Variants in SEM1 observed in about 807,000 individuals in gnomAD.
The protein encoded by SEM1 is SEM1 26S proteasome subunit.
SEM1 carries 3 observed loss-of-function variants against 12.7 expected under a neutral mutation model. That is an observed-to-expected ratio of 0.24 (90% confidence interval 0.11 to 0.61). The LOEUF (loss-of-function observed/expected upper bound fraction) is 0.61. Among genes scored for constraint, SEM1 ranks in the 20% least tolerant of loss-of-function variants. SEM1 has a pLI of 0.88. For missense variants in SEM1, 59 were observed against 81.3 expected (o/e 0.73, Z 1.06); for synonymous variants, 30 against 27.8 (o/e 1.08, Z -0.25).
At position 96,577,611 on chromosome 7, in the gene SEM1, G is replaced by T. The variant is rs182146500; in HGVS notation, c.171-70913C>A. The stretch of plus-strand genomic sequence containing the variant: ...GAAGCCTTTACATGGATTTGGGGAT[G>T]GATTTCAAAGAATTCAATGCCCTTG... On this transcript the variant is annotated intron_variant and NMD_transcript_variant, in intron 2 of 3. Transcript: ENST00000466986. 4.0e-4 allele frequency among the ~76,000 whole-genome samples: 61 copies of T among 152,032 alleles called. No homozygotes were observed. The East Asian group carries it at 0.01, about 26-fold the overall frequency.
upstream of SEM1, among the ~76,000 whole-genome samples, chr7:96,498,444 G>A (rs1803380952): frequency 6.6e-6 from 1 of 152,090 alleles, no homozygotes; most frequent in Non-Finnish European, 1.5e-5. Flanking sequence ...GATCAGATAG[G>A]TTTTTCTGAG....
chr7:96,642,447 G>A (rs539567353), intron 2 of SEM1, among the ~76,000 whole-genome samples: 5 of 151,810 alleles, frequency 3.3e-5, no homozygotes, highest in Non-Finnish European at 7.4e-5. Context: ...CTCCAGGTAC[G>A]GTAGCGTTTA....
chr7:96,517,513 G>A (rs914697208), intron 2 of SEM1, among the ~76,000 whole-genome samples: 16 of 151,962 alleles, frequency 1.1e-4, no homozygotes, highest in South Asian at 6.2e-4. Context: ...TTTATCTTTC[G>A]GGTTAGATAT....
chr7:96,700,489 C>T (rs1202853997), intron 1 of SEM1, among the ~76,000 whole-genome samples: 1 of 152,182 alleles, frequency 6.6e-6, no homozygotes. Flanking sequence ...GCCCTCTCTA[C>T]AGGTGGGTTC....
At chr7:96,548,219 G>C (rs1328134104) in intron 2 of SEM1, among the ~76,000 whole-genome samples, 1 of 151,954 alleles carries the variant, frequency 6.6e-6, no homozygotes, top group Non-Finnish European at 1.5e-5. Context: ...CATGATTTTC[G>C]ATTCTTAATC....
chr7:96,664,780 A>T (rs1049679874), intron 2 of SEM1, among the ~76,000 whole-genome samples: 3 of 152,224 alleles, frequency 2.0e-5, no homozygotes, highest in East Asian at 3.9e-4. Context: ...AGACAACAGA[A>T]ACTGGAAACA....
intron 2 of SEM1, among the ~76,000 whole-genome samples, chr7:96,508,365 AATG>A (rs1421809151): frequency 6.6e-6 from 1 of 152,124 alleles, no homozygotes; most frequent in Non-Finnish European, 1.5e-5. Context: ...GAAGAGAAGC[AATG>A]ATATCATAAC....
intron 2 of SEM1, among the ~76,000 whole-genome samples, chr7:96,682,725 G>A (rs144425043): frequency 6.6e-6 from 1 of 152,128 alleles, no homozygotes; most frequent in African/African-American, 2.4e-5. Flanking sequence ...TATCATCAGA[G>A]TGAACAGGTA....
chr7:96,551,414 C>A (rs570646973), intron 2 of SEM1, among the ~76,000 whole-genome samples: 1 of 152,204 alleles, frequency 6.6e-6, no homozygotes, highest in East Asian at 1.9e-4. Flanking sequence ...TAAGAAGACA[C>A]AGAGGCCGGG....
intron 2 of SEM1, among the ~76,000 whole-genome samples, chr7:96,558,661 AG>A (rs1233461661): frequency 6.6e-6 from 1 of 152,162 alleles, no homozygotes; most frequent in Non-Finnish European, 1.5e-5. Context: ...AAGTGAAAAG[AG>A]GGTAGAAACA....
chr7:96,627,927 T>G (rs1259501692), intron 2 of SEM1, among the ~76,000 whole-genome samples: 2 of 152,114 alleles, frequency 1.3e-5, no homozygotes, highest in Non-Finnish European at 2.9e-5. Flanking sequence ...CTAATAATAT[T>G]TGCTTTATAT....
chr7:96,567,108 A>G (rs968896948), intron 2 of SEM1, among the ~76,000 whole-genome samples: 5 of 151,604 alleles, frequency 3.3e-5, no homozygotes, highest in Non-Finnish European at 7.4e-5. Context: ...TCTAAAAATT[A>G]TCTGTGAAGT....
chr7:96,706,886 TAAC>T (rs1159100380), intron 1 of SEM1, among the ~76,000 whole-genome samples: 3 of 152,158 alleles, frequency 2.0e-5, no homozygotes, highest in African/African-American at 7.2e-5. Flanking sequence ...TAGGCTGCCT[TAAC>T]AACACCAATT....
chr7:96,602,786 T>C (rs1807233253), intron 2 of SEM1, among the ~76,000 whole-genome samples: 1 of 152,232 alleles, frequency 6.6e-6, no homozygotes, highest in African/African-American at 2.4e-5. Flanking sequence ...TGATTCGTGA[T>C]TATTTCAACA....
intron 2 of SEM1, among the ~76,000 whole-genome samples, chr7:96,517,053 G>A (rs1446821785): frequency 1.3e-5 from 2 of 152,216 alleles, no homozygotes; most frequent in Non-Finnish European, 2.9e-5. Flanking sequence ...AAAGATCAGT[G>A]GTTTGTAGGA....
At chr7:96,575,545 C>T (rs1419114589) in intron 2 of SEM1, among the ~76,000 whole-genome samples, 3 of 152,322 alleles carry the variant, frequency 2.0e-5, no homozygotes, top group South Asian at 2.1e-4. Context: ...GGAACATTTA[C>T]GTCTGCTGAA....
At chr7:96,511,639 G>A (rs1205149002) in intron 2 of SEM1, among the ~76,000 whole-genome samples, 9 of 152,102 alleles carry the variant, frequency 5.9e-5, no homozygotes, top group South Asian at 2.1e-4. Flanking sequence ...AATACACAGT[G>A]TTTGTGAAAA....
At position 96,650,684 on chromosome 7, in the gene SEM1, GCA is replaced by G. The variant is rs60189978; in HGVS notation, c.171-28043_171-28042del. ...CACACAGAAACACACACAGATGCGCGCACACACACACACACACTCAGAGCTCC... is the reference window on the plus strand; with the variant it reads ...CACACAGAAACACACACAGATGCGCGCACACACACACACACTCAGAGCTCC... On this transcript the variant is annotated intron_variant, in intron 2 of 2. Coordinates refer to the SEM1 transcript ENST00000417009. Among the ~76,000 whole-genome samples, 1,252 of 150,756 alleles carry G rather than the reference GCA, an allele frequency of 8.3e-3. 18 individuals carry two copies. The highest frequency in any genetic ancestry group is 0.028 in the African/African-American group (1,171 of 41,218).
chr7:96,518,241 A>C (rs1804158526), intron 2 of SEM1, among the ~76,000 whole-genome samples: 1 of 152,094 alleles, frequency 6.6e-6, no homozygotes, highest in Non-Finnish European at 1.5e-5. Flanking sequence ...TTCTTACTCA[A>C]ATTCGGGGCT....
Sources: gnomAD v4.1 joint callset for allele counts (sites outside exome capture counted in the v4.1 genomes callset) on GRCh38, gnomAD v4.1.1 for gene constraint, MANE v1.5 for transcripts, NCBI Gene and HGNC (gene_info 2026-07-23, HGNC 2026-07-21) for gene names.